The following THRAP3 variants were observed in gnomAD, a reference collection of about 807,000 sequenced individuals.
The protein encoded by THRAP3 is thyroid hormone receptor-associated protein 3.
THRAP3 carries 16 observed loss-of-function variants against 101.0 expected under a neutral mutation model. The ratio of observed to expected loss-of-function variants is 0.16; its 90% CI spans 0.11 to 0.24. THRAP3 has a LOEUF of 0.24. Ranked by LOEUF, THRAP3 falls within the 10% of genes least tolerant of loss-of-function variation. The pLI, the probability that THRAP3 is intolerant of heterozygous loss-of-function variation, is 1.00. For synonymous variants in THRAP3, 407 were observed against 422.6 expected, an observed-to-expected ratio of 0.96 and a Z score of 0.45; for missense variants, 989 against 1,202.7, an observed-to-expected ratio of 0.82 and a Z score of 2.63.
At chr1:36,243,494 C>T (rs573898343) in intron 1 of THRAP3, among the ~76,000 whole-genome samples, 64 of 152,232 alleles carry the variant, frequency 4.2e-4, no homozygotes, top group Admixed American at 6.5e-4. Flanking sequence ...GCACATGTTT[C>T]AGAGAGCACA....
chr1:36,214,051 A>AAGG, the THRAP3 span, among the ~76,000 whole-genome samples: 1 of 126,790 alleles, frequency 7.9e-6, no homozygotes, highest in South Asian at 2.3e-4. Flanking sequence ...AGAAAGAAAG[A>AAGG]AAGAAAGAAA....
At chr1:36,246,054 C>G (rs1645227471) in intron 1 of THRAP3, among the ~76,000 whole-genome samples, 1 of 152,036 alleles carries the variant, frequency 6.6e-6, no homozygotes, top group Admixed American at 6.6e-5. Context: ...GTAAGTGAGG[C>G]AAGGAAAGAT....
rs1158538167 is a variant in THRAP3, at chr1:36,228,042, C to CTT, written c.-135+3555_-135+3556dup. On this transcript the variant is annotated intron_variant, in intron 1 of 11. Transcript: ENST00000354618. ...AGGCACCCGCCACCACACGTGGCCT[C>CTT]TTTTTTTTTTTTTTTTTTTCTGTTG... Among the ~76,000 whole-genome samples, 185 of 110,450 alleles carry CTT rather than the reference C, an allele frequency of 1.7e-3. 2 individuals are homozygous for CTT. Among genetic ancestry groups the CTT allele is most frequent in the East Asian group, 0.012 (46 of 3,992 alleles). 72.5% of individuals were successfully genotyped at this position (110,450 alleles called of 152,430 possible). A position where few individuals can be genotyped will look rare whatever the true frequency, so the allele number is the denominator to read the frequency against.
intron 1 of THRAP3, among the ~76,000 whole-genome samples, chr1:36,229,244 C>T (rs1644996840): frequency 6.6e-6 from 1 of 151,712 alleles, no homozygotes; most frequent in African/African-American, 2.4e-5. Context: ...ACTACAGGTG[C>T]CCGCCACCAC....
At chr1:36,284,499 C>T (rs1052342647) in intron 3 of THRAP3, among the ~76,000 whole-genome samples, 1 of 152,228 alleles carries the variant, frequency 6.6e-6, no homozygotes, top group South Asian at 2.1e-4. Flanking sequence ...CTTTTGTTTT[C>T]CCTCTCCTGC....
At chr1:36,276,394 G>C (rs564574957) in intron 2 of THRAP3, among the ~76,000 whole-genome samples, 14 of 151,948 alleles carry the variant, frequency 9.2e-5, no homozygotes, top group African/African-American at 3.4e-4. Context: ...TGTGGTGGTG[G>C]GTGCCTGTAG....
intron 2 of THRAP3, among the ~76,000 whole-genome samples, chr1:36,282,077 GA>G (rs34567354): frequency 1.3e-5 from 2 of 148,150 alleles, no homozygotes; most frequent in African/African-American, 4.9e-5. Flanking sequence ...CCTATCTCAA[GA>G]AAAAAAAAAT....
chr1:36,249,193 CTTT>C (rs35410710), intron 1 of THRAP3, among the ~76,000 whole-genome samples: 12 of 117,496 alleles, frequency 1.0e-4, no homozygotes, highest in Non-Finnish European at 7.0e-5. Context: ...AGCACAGTCC[CTTT>C]TTTTTTTTTT....
intron 1 of THRAP3, among the ~76,000 whole-genome samples, chr1:36,250,132 A>G (rs1415570108): frequency 6.6e-6 from 1 of 152,110 alleles, no homozygotes; most frequent in East Asian, 1.9e-4. Context: ...TGGATATATT[A>G]TCGACATTTC....
At chr1:36,233,570 G>A (rs1645053065) in intron 1 of THRAP3, among the ~76,000 whole-genome samples, 1 of 150,370 alleles carries the variant, frequency 6.7e-6, no homozygotes, top group South Asian at 2.1e-4. Context: ...CCTGGGCATG[G>A]GCAACATGAT....
At chr1:36,254,165 G>C (rs1043729242) in intron 1 of THRAP3, among the ~76,000 whole-genome samples, 1 of 151,992 alleles carries the variant, frequency 6.6e-6, no homozygotes, top group Non-Finnish European at 1.5e-5. Flanking sequence ...CGGAGACCAC[G>C]TCTCAAGAAA....
upstream of THRAP3, among the ~76,000 whole-genome samples, chr1:36,222,730 G>A (rs1436119774): frequency 6.6e-6 from 1 of 152,150 alleles, no homozygotes; most frequent in Non-Finnish European, 1.5e-5. Context: ...TTCTTAAAAG[G>A]GGAGCCAAAA....
chr1:36,304,215 G>T lies in THRAP3; in HGVS notation c.*198G>T. On this transcript the variant is annotated 3_prime_UTR_variant, in exon 12 of 12. Transcript: ENST00000354618. ...CAGAGGAGGCTGGCCATGGGGCCCAGGGGTCAGGCCCAGCTTTTGAGCAGA... is the reference window on the plus strand; with the variant it reads ...CAGAGGAGGCTGGCCATGGGGCCCATGGGTCAGGCCCAGCTTTTGAGCAGA... The T allele has an allele frequency of 2.8e-6, 2 of 717,986 alleles. No homozygotes were observed. Among genetic ancestry groups the T allele is most frequent in the East Asian group, 3.3e-5 (1 of 30,616 alleles). 44.5% of individuals were successfully genotyped at this position (717,986 alleles called of 1,614,324 possible). A position where few individuals can be genotyped will look rare whatever the true frequency, so the allele number is the denominator to read the frequency against.
chr1:36,253,103 T>C (rs1439455022), intron 1 of THRAP3, among the ~76,000 whole-genome samples: 1 of 151,830 alleles, frequency 6.6e-6, no homozygotes, highest in Non-Finnish European at 1.5e-5. Context: ...AAATATTTAT[T>C]TGTTAATGCT....
chr1:36,228,765 C>T (rs1037966198), intron 1 of THRAP3, among the ~76,000 whole-genome samples: 1 of 152,172 alleles, frequency 6.6e-6, no homozygotes, highest in Admixed American at 6.6e-5. Flanking sequence ...AATGTGTTCT[C>T]CTTCTACCAT....
At chr1:36,302,735 G>A (rs755579623) in intron 11 of THRAP3, among the ~76,000 whole-genome samples, 39 of 152,198 alleles carry the variant, frequency 2.6e-4, no homozygotes, top group Non-Finnish European at 4.4e-4. Context: ...AATGACTGCT[G>A]GTTTTCAAAA....
intron 1 of THRAP3, among the ~76,000 whole-genome samples, chr1:36,254,884 C>A (rs904891554): frequency 6.6e-6 from 1 of 152,130 alleles, no homozygotes; most frequent in Non-Finnish European, 1.5e-5. Context: ...TAGTTGCCAT[C>A]CCATATTACA....
the THRAP3 span, among the ~76,000 whole-genome samples, chr1:36,208,071 G>A: frequency 9.8e-5 from 15 of 152,310 alleles, no homozygotes; most frequent in Non-Finnish European, 1.9e-4. Context: ...GGGATTATAG[G>A]CATGAGCCAC....
At chr1:36,239,156 G>T (rs1205229430) in intron 1 of THRAP3, among the ~76,000 whole-genome samples, 2 of 150,718 alleles carry the variant, frequency 1.3e-5, no homozygotes, top group South Asian at 4.2e-4. Flanking sequence ...CGCCCGCCTC[G>T]GCCTCCCAAA....
Sources: allele counts gnomAD v4.1 joint callset (sites outside exome capture counted in the v4.1 genomes callset), GRCh38; gene constraint gnomAD v4.1.1; transcripts MANE v1.5; gene names NCBI Gene and HGNC (gene_info 2026-07-23, HGNC 2026-07-21).